GALNT12: variants seen among roughly 807,000 people sequenced by gnomAD.
The protein encoded by GALNT12 is UDP-GalNAc:polypeptide N-acetylgalactosaminyltransferase 12.
In GALNT12, 45 loss-of-function variants were observed where a neutral mutation model predicts 55.5. The observed-to-expected ratio is 0.81, with a 90% CI of 0.64 to 1.04. The LOEUF (loss-of-function observed/expected upper bound fraction) is 1.04, where lower values mean the gene tolerates loss of function less well. GALNT12 is among the 50% of genes least tolerant of loss of function. The probability of loss-of-function intolerance (pLI) is 0.00; values close to 1 mark genes in which losing one functional copy is unlikely to be tolerated. For missense variants in GALNT12, 709 were observed against 754.8 expected, an observed-to-expected ratio of 0.94 and a Z score of 0.71; for synonymous variants, 304 against 312.2, an observed-to-expected ratio of 0.97 and a Z score of 0.28.
At chr9:98,830,856 A>G (rs1252869366) in intron 3 of GALNT12, among the ~76,000 whole-genome samples, 1 of 152,144 alleles carries the variant, frequency 6.6e-6, no homozygotes, top group Non-Finnish European at 1.5e-5. Flanking sequence ...GTGTCATTCT[A>G]AGGACACCGA....
chr9:98,845,516 C>T lies in GALNT12; in HGVS notation c.1459-461C>T, dbSNP rs182940063. Among the ~76,000 whole-genome samples the T allele has an allele frequency of 5.9e-5, 9 of 152,288 alleles. No homozygotes were observed. The East Asian group carries it at 1.7e-3, about 29-fold the overall frequency. On this transcript the variant is annotated intron_variant, in intron 8 of 9. Transcript: ENST00000375011. The stretch of plus-strand genomic sequence containing the variant: ...AACCAAGTCTTCCCGTTAGCGGTCA[C>T]ATTGTCTGCTTGTGCACAGCACTTT...
chr9:98,817,904 C>T (rs1178267791), intron 1 of GALNT12, among the ~76,000 whole-genome samples: 1 of 152,010 alleles, frequency 6.6e-6, no homozygotes, highest in African/African-American at 2.4e-5. Context: ...CCTTTTTTTC[C>T]TCTTTTTATA....
rs117243007 is a variant in GALNT12, at chr9:98,817,258, G to A, written c.372-5998G>A. Among the ~76,000 whole-genome samples the A allele has an allele frequency of 4.2e-3, 640 of 152,270 alleles. 3 individuals carry two copies. The highest frequency in any genetic ancestry group is 7.7e-3 in the Non-Finnish European group (524 of 68,028). The stretch of plus-strand genomic sequence containing the variant: ...TGGGATTACAGGTGTGAGCTACCGC[G>A]CCTAGCCTCGCGGTTAATTCTTTCT... On this transcript the variant is annotated intron_variant, in intron 1 of 9. Transcript: ENST00000375011.
chr9:98,843,749 T>C (rs1043415027), intron 7 of GALNT12, among the ~76,000 whole-genome samples: 1 of 152,206 alleles, frequency 6.6e-6, no homozygotes, highest in African/African-American at 2.4e-5. Context: ...CTTGATTTAG[T>C]TAGCTTAATT....
intron 3 of GALNT12, 83 bp from the exon 4 acceptor site, chr9:98,831,689 A>ATT: frequency 6.8e-7 from 1 of 1,465,198 alleles, no homozygotes; most frequent in African/African-American, 1.4e-5. Context: ...AAGGAAGACA[A>ATT]GAATTCACCC....
chr9:98,848,873 C>A, intron 9 of GALNT12, 79 bp from the exon 10 acceptor site: 2 of 1,543,410 alleles, frequency 1.3e-6, no homozygotes, highest in Non-Finnish European at 1.8e-6. Context: ...AAAAATCAGA[C>A]CCTGATCTCT....
At chr9:98,808,648 G>C (rs1236978334) in intron 1 of GALNT12, among the ~76,000 whole-genome samples, 1 of 152,228 alleles carries the variant, frequency 6.6e-6, no homozygotes, top group African/African-American at 2.4e-5. Context: ...CACGGGGTGG[G>C]AAGGGCTCCT....
At chr9:98,808,130 T>A in intron 1 of GALNT12, 61 bp downstream of exon 1, 1 of 1,386,040 alleles carries the variant, frequency 7.2e-7, no homozygotes, top group South Asian at 1.2e-5. Flanking sequence ...AGTTTCTCCA[T>A]CAGAGCAGTG....
intron 1 of GALNT12, among the ~76,000 whole-genome samples, chr9:98,817,498 T>C (rs1564248238): frequency 6.6e-6 from 1 of 151,968 alleles, no homozygotes; most frequent in Non-Finnish European, 1.5e-5. Flanking sequence ...AGTTTTGCTC[T>C]TGTTGCCCAG....
chr9:98,824,961 C>T, intron 2 of GALNT12, among the ~76,000 whole-genome samples: 1 of 152,260 alleles, frequency 6.6e-6, no homozygotes, highest in Admixed American at 6.5e-5. Context: ...ATCCCCCTCC[C>T]CCAACACCTA....
chr9:98,809,723 G>A (rs959301539), intron 1 of GALNT12, among the ~76,000 whole-genome samples: 1 of 152,186 alleles, frequency 6.6e-6, no homozygotes, highest in African/African-American at 2.4e-5. Context: ...TACTCAAGAG[G>A]TTGCTTTTGA....
At chr9:98,838,623 T>C (rs1169351080) in intron 6 of GALNT12, among the ~76,000 whole-genome samples, 2 of 152,222 alleles carry the variant, frequency 1.3e-5, no homozygotes, top group South Asian at 2.1e-4. Context: ...TTCCCAGGTC[T>C]TGGGCTTCAG....
intron 1 of GALNT12, among the ~76,000 whole-genome samples, chr9:98,815,871 A>C (rs188845862): frequency 2.6e-5 from 4 of 152,244 alleles, no homozygotes; most frequent in African/African-American, 7.2e-5. Context: ...AGAATTGGCT[A>C]TCTGTAGATT....
intron 2 of GALNT12, among the ~76,000 whole-genome samples, chr9:98,825,206 T>A (rs191038692): frequency 2.4e-4 from 37 of 152,320 alleles, no homozygotes; most frequent in African/African-American, 8.7e-4. Flanking sequence ...AAAACAGCAT[T>A]TCACAAATAT....
At chr9:98,828,279 G>A (rs1835907952) in intron 3 of GALNT12, among the ~76,000 whole-genome samples, 1 of 152,172 alleles carries the variant, frequency 6.6e-6, no homozygotes. Context: ...CTGGCTTCTT[G>A]TCAGCTGCAG....
chr9:98,844,091 T>C lies in GALNT12; in HGVS notation c.1345-5T>C. ...ACTGAAATGCCACATTTATGTTTTA[T>C]TTAGCTCCAGAACAAAGGACTAACA... On this transcript the variant is annotated splice_region_variant and splice_polypyrimidine_tract_variant and intron_variant, in intron 7 of 9. Transcript: ENST00000375011. 6.3e-7 allele frequency: 1 copy of C among 1,598,262 alleles called. No individual in the cohort carries two copies. The highest frequency in any genetic ancestry group is 8.6e-7 in the Non-Finnish European group (1 of 1,165,584).
chr9:98,845,286 C>T (rs889923176), intron 8 of GALNT12, among the ~76,000 whole-genome samples: 3 of 152,146 alleles, frequency 2.0e-5, no homozygotes, highest in African/African-American at 7.2e-5. Context: ...CTTAAGAACA[C>T]CCACCTGTGT....
chr9:98,841,377 A>G (rs1392231850), intron 7 of GALNT12, among the ~76,000 whole-genome samples: 2 of 152,224 alleles, frequency 1.3e-5, no homozygotes, highest in African/African-American at 4.8e-5. Context: ...TCAGGAGCAT[A>G]GGAAGTATGG....
chr9:98,849,671 GTT>G lies in GALNT12; in HGVS notation c.*580_*581del. The G allele has an allele frequency of 2.5e-6, 1 of 407,636 alleles. No individual in the cohort carries two copies. The highest frequency in any genetic ancestry group is 1.1e-4 in the South Asian group (1 of 8,994). 25.3% of individuals were successfully genotyped at this position (407,636 alleles called of 1,614,324 possible). ...TTTTTGGTTATGTGTTGCTACCACA[GTT>G]AACACTCCATAATGTTCATGTCAGC... On this transcript the variant is annotated 3_prime_UTR_variant, in exon 10 of 10. Coordinates refer to ENST00000375011, the MANE Select transcript of GALNT12 (RefSeq NM_024642.5).
Sources: allele counts gnomAD v4.1 joint callset (sites outside exome capture counted in the v4.1 genomes callset), GRCh38; gene constraint gnomAD v4.1.1; transcripts MANE v1.5; gene names NCBI Gene and HGNC (gene_info 2026-07-23, HGNC 2026-07-21).